The following GMDS variants were observed in gnomAD, a reference collection of about 807,000 sequenced individuals.
GMDS encodes GDP-mannose 4,6 dehydratase.
Under a neutral mutation model 49.9 loss-of-function variants are expected in GMDS, and 20 were observed. That is an observed-to-expected ratio of 0.40 (90% CI 0.28 to 0.58). The LOEUF (loss-of-function observed/expected upper bound fraction) is 0.58, where lower values mean the gene tolerates loss of function less well. GMDS is among the 20% of genes least tolerant of loss of function. The pLI, the probability that GMDS is intolerant of heterozygous loss-of-function variation, is 0.42. For missense variants in GMDS, 362 were observed against 481.4 expected (o/e 0.75, Z 2.32); for synonymous variants, 177 against 178.6 (o/e 0.99, Z 0.07).
At chr6:2,197,616 GAACAA>G (rs1055462708) in intron 1 of GMDS, among the ~76,000 whole-genome samples, 2 of 152,152 alleles carry the variant, frequency 1.3e-5, no homozygotes, top group African/African-American at 4.8e-5. Context: ...GCTTTGCTGT[GAACAA>G]ATCAAAAAGT....
intron 9 of GMDS, 163 bp from the exon 10 acceptor site, chr6:1,624,703 GCGCC>G (rs1762791855): frequency 1.6e-6 from 1 of 616,468 alleles, no homozygotes; most frequent in East Asian, 2.8e-5. Flanking sequence ...GCGGCTCTCG[GCGCC>G]GTAAATCACT....
chr6:1,737,959 C>A (rs1171070472), intron 8 of GMDS, among the ~76,000 whole-genome samples: 2 of 148,288 alleles, frequency 1.3e-5, no homozygotes, highest in African/African-American at 5.0e-5. Context: ...CAGATACACA[C>A]ATACATACAC....
intron 8 of GMDS, among the ~76,000 whole-genome samples, chr6:1,731,991 G>T (rs1766825917): frequency 6.6e-6 from 1 of 152,166 alleles, no homozygotes; most frequent in Non-Finnish European, 1.5e-5. Context: ...AGAGAAAGAA[G>T]GCATCTGTTA....
At chr6:2,121,418 C>G (rs1414048103) in intron 2 of GMDS, among the ~76,000 whole-genome samples, 3 of 152,138 alleles carry the variant, frequency 2.0e-5, no homozygotes, top group African/African-American at 7.2e-5. Flanking sequence ...TAATCCTGAG[C>G]AAAATTCAAG....
intron 4 of GMDS, among the ~76,000 whole-genome samples, chr6:2,015,688 C>A (rs1327577420): frequency 1.3e-5 from 2 of 152,110 alleles, no homozygotes; most frequent in Admixed American, 6.6e-5. Flanking sequence ...CCACTGGATG[C>A]CTGAAACTGC....
chr6:2,135,827 A>T (rs1370998214), intron 1 of GMDS, among the ~76,000 whole-genome samples: 2 of 152,254 alleles, frequency 1.3e-5, no homozygotes, highest in Admixed American at 1.3e-4. Context: ...TGCACATGTT[A>T]ATAAAAAATT....
chr6:1,719,671 C>T (rs1436147086), intron 9 of GMDS, among the ~76,000 whole-genome samples: 9 of 150,746 alleles, frequency 6.0e-5, no homozygotes, highest in African/African-American at 2.2e-4. Context: ...ATACAGAGGT[C>T]ATCGGCCAAA....
intron 9 of GMDS, among the ~76,000 whole-genome samples, chr6:1,704,076 T>C (rs1202949707): frequency 2.0e-5 from 3 of 152,154 alleles, no homozygotes; most frequent in South Asian, 2.1e-4. Flanking sequence ...ACGAGGAAGA[T>C]ATGACAGCAA....
intron 6 of GMDS, among the ~76,000 whole-genome samples, chr6:1,944,817 G>T (rs191789391): frequency 1.1e-4 from 17 of 152,168 alleles, no homozygotes; most frequent in African/African-American, 3.6e-4. Flanking sequence ...TAGAAAATTG[G>T]GACAAGATAA....
At chr6:2,067,356 T>C (rs1295367930) in intron 4 of GMDS, among the ~76,000 whole-genome samples, 4 of 148,950 alleles carry the variant, frequency 2.7e-5, no homozygotes, top group Non-Finnish European at 6.0e-5. Flanking sequence ...TTAAAAGAAC[T>C]AGAAAAGCAA....
chr6:2,239,778 C>CG (rs989275295), intron 1 of GMDS, among the ~76,000 whole-genome samples: 1 of 152,062 alleles, frequency 6.6e-6, no homozygotes, highest in Non-Finnish European at 1.5e-5. Flanking sequence ...CTCTGCCTCC[C>CG]GGGTTCACCC....
At chr6:1,876,974 T>C (rs996367415) in intron 7 of GMDS, among the ~76,000 whole-genome samples, 11 of 152,244 alleles carry the variant, frequency 7.2e-5, no homozygotes, top group African/African-American at 2.4e-4. Flanking sequence ...GTATCTCCTT[T>C]GTTTTGGAAC....
At chr6:2,230,753 A>G (rs1206969619) in intron 1 of GMDS, among the ~76,000 whole-genome samples, 2 of 152,118 alleles carry the variant, frequency 1.3e-5, no homozygotes, top group Non-Finnish European at 2.9e-5. Context: ...GGAAAAAAAA[A>G]GGGACTTCAA....
intron 7 of GMDS, among the ~76,000 whole-genome samples, chr6:1,813,157 G>C (rs1770512666): frequency 1.4e-5 from 2 of 144,100 alleles, no homozygotes; most frequent in South Asian, 2.2e-4. Flanking sequence ...AGGAGTTCAA[G>C]GCTACAGGAA....
chr6:2,074,152 C>A (rs1055017150), intron 4 of GMDS, among the ~76,000 whole-genome samples: 1 of 152,134 alleles, frequency 6.6e-6, no homozygotes, highest in South Asian at 2.1e-4. Flanking sequence ...CAAGAGTTCC[C>A]TTTCCTCTAT....
intron 1 of GMDS, among the ~76,000 whole-genome samples, chr6:2,154,151 T>C (rs1399440340): frequency 7.2e-5 from 11 of 152,166 alleles, no homozygotes; most frequent in Non-Finnish European, 1.0e-4. Flanking sequence ...ATCATGTTTA[T>C]TGAAAATTTA....
At chr6:2,182,460 A>G (rs1192912453) in intron 1 of GMDS, among the ~76,000 whole-genome samples, 2 of 152,258 alleles carry the variant, frequency 1.3e-5, no homozygotes, top group Non-Finnish European at 2.9e-5. Context: ...TCATAGCTGC[A>G]GAGATGTCAA....
intron 7 of GMDS, among the ~76,000 whole-genome samples, chr6:1,805,539 G>A (rs1770137465): frequency 1.3e-5 from 2 of 152,134 alleles, no homozygotes; most frequent in Non-Finnish European, 2.9e-5. Flanking sequence ...GATAATACTA[G>A]AACCATACTT....
At chr6:2,066,264 A>G (rs866913402) in intron 4 of GMDS, among the ~76,000 whole-genome samples, 14 of 150,590 alleles carry the variant, frequency 9.3e-5, no homozygotes, top group African/African-American at 1.5e-4. Flanking sequence ...GCTCCTGAAG[A>G]AAGCGCTAAA....
Sources: gnomAD v4.1 joint callset for allele counts (sites outside exome capture counted in the v4.1 genomes callset) on GRCh38, gnomAD v4.1.1 for gene constraint, MANE v1.5 for transcripts, NCBI Gene and HGNC (gene_info 2026-07-23, HGNC 2026-07-21) for gene names.